CPA6: variants seen among roughly 807,000 people sequenced by gnomAD.
CPA6 encodes the protein carboxypeptidase A6, also known as carboxypeptidase B.
A neutral mutation model predicts 63.3 loss-of-function variants in CPA6; 58 were observed. The ratio of observed to expected loss-of-function variants is 0.92; its 90% CI spans 0.74 to 1.14. The LOEUF is 1.14. Ranked by LOEUF, CPA6 falls within the 50% of genes most tolerant of loss-of-function variation. The probability of loss-of-function intolerance (pLI) is 0.00; values close to 1 mark genes in which losing one functional copy is unlikely to be tolerated. For synonymous variants in CPA6, 185 were observed against 179.0 expected, an observed-to-expected ratio of 1.03 and a Z score of -0.27; for missense variants, 565 against 526.6, an observed-to-expected ratio of 1.07 and a Z score of -0.71.
At chr8:67,745,062 C>A (rs980181746) in intron 1 of CPA6, among the ~76,000 whole-genome samples, 2 of 152,166 alleles carry the variant, frequency 1.3e-5, no homozygotes, top group African/African-American at 4.8e-5. Flanking sequence ...AAAAGAACAA[C>A]TTGGTTTTAA....
At chr8:67,639,199 GTC>G (rs756437733) in intron 1 of CPA6, among the ~76,000 whole-genome samples, 3 of 151,606 alleles carry the variant, frequency 2.0e-5, no homozygotes, top group Non-Finnish European at 4.4e-5. Flanking sequence ...TGGCCATACA[GTC>G]TCTATTGCTA....
rs1001079335 is a variant in CPA6 at position 67,631,357 on chromosome 8, C to T, written c.117-7106G>A. On this transcript the variant is annotated intron_variant, in intron 1 of 10. Coordinates refer to ENST00000297770, the MANE Select transcript of CPA6 (RefSeq NM_020361.5). ...TCTAGCTAGAGGATTGTAAATGCAC[C>T]ATTCAGCACTCTGTGTCTAGCTAAA... Among the ~76,000 whole-genome samples, 8 of 152,196 alleles carry T rather than the reference C, an allele frequency of 5.3e-5. 1 individual carries two copies. The East Asian group carries it at 1.5e-3, about 29-fold the overall frequency.
chr8:67,587,213 T>A (rs180834814), intron 2 of CPA6, among the ~76,000 whole-genome samples: 18 of 152,162 alleles, frequency 1.2e-4, no homozygotes, highest in African/African-American at 3.9e-4. Context: ...CCTAAGGTAA[T>A]TGTGATGGAT....
intron 8 of CPA6, among the ~76,000 whole-genome samples, chr8:67,480,674 T>G (rs545401181): frequency 6.6e-6 from 1 of 152,266 alleles, no homozygotes; most frequent in South Asian, 2.1e-4. Context: ...TCATTTCTCT[T>G]GGGTATATAT....
intron 1 of CPA6, among the ~76,000 whole-genome samples, chr8:67,729,410 A>G (rs1781355198): frequency 6.6e-6 from 1 of 152,234 alleles, no homozygotes; most frequent in African/African-American, 2.4e-5. Flanking sequence ...AAACTGTCAT[A>G]TACTGGCAAC....
At chr8:67,696,360 T>A (rs913693053) in intron 1 of CPA6, among the ~76,000 whole-genome samples, 1 of 152,188 alleles carries the variant, frequency 6.6e-6, no homozygotes, top group Non-Finnish European at 1.5e-5. Context: ...CCATAGTACA[T>A]GCACTAGAAT....
intron 1 of CPA6, among the ~76,000 whole-genome samples, chr8:67,686,241 G>T (rs1189689106): frequency 1.3e-5 from 2 of 152,166 alleles, no homozygotes; most frequent in African/African-American, 4.8e-5. Flanking sequence ...GCTGACCTCT[G>T]TCATCAAGCA....
intron 1 of CPA6, among the ~76,000 whole-genome samples, chr8:67,677,316 C>T (rs1372721909): frequency 6.7e-6 from 1 of 148,792 alleles, no homozygotes; most frequent in African/African-American, 2.5e-5. Context: ...GAAAATTCAT[C>T]TCTTTATTCA....
intron 8 of CPA6, among the ~76,000 whole-genome samples, chr8:67,434,548 G>C (rs1035738806): frequency 6.6e-6 from 1 of 152,212 alleles, no homozygotes; most frequent in African/African-American, 2.4e-5. Flanking sequence ...TAGAACAATA[G>C]TACAGCAAGT....
At chr8:67,707,870 C>T (rs1329190626) in intron 1 of CPA6, among the ~76,000 whole-genome samples, 3 of 149,944 alleles carry the variant, frequency 2.0e-5, no homozygotes, top group Non-Finnish European at 3.0e-5. Flanking sequence ...GCTGAGATCA[C>T]ACCACTGTAC....
intron 1 of CPA6, among the ~76,000 whole-genome samples, chr8:67,741,650 G>GC (rs1817915218): frequency 6.6e-6 from 1 of 152,132 alleles, no homozygotes; most frequent in African/African-American, 2.4e-5. Context: ...AACTACCCAT[G>GC]CGAGGGATCT....
intron 1 of CPA6, among the ~76,000 whole-genome samples, chr8:67,717,214 G>A (rs1817400762): frequency 6.6e-6 from 1 of 152,184 alleles, no homozygotes; most frequent in African/African-American, 2.4e-5. Flanking sequence ...AGCACACCGA[G>A]TTTGGATGTA....
rs1336443448 is a variant in CPA6, at chr8:67,517,962, G to C, written c.278C>G (p.Ala93Gly). ...DVHIPQNGSR[A>G]LLAFLQEANI... ...GGCTTCCTGTAAGAAGGCTAACAGG[G>C]CTCGGGAACCATTTTGGGGGATATG... Residue 93 changes from alanine to glycine, a missense_variant, in exon 3 of 11, where the codon GCC becomes GGC. Ala to Gly is a moderately conservative substitution (Grantham distance 60, BLOSUM62 0). Transcript: ENST00000297770. The C allele has an allele frequency of 6.2e-6, 10 of 1,612,744 alleles. No individual in the cohort carries two copies. Among genetic ancestry groups the C allele is most frequent in the Non-Finnish European group, 8.5e-6 (10 of 1,179,632 alleles).
rs186018397 is a variant in CPA6, at chr8:67,523,176, A to G, written c.193-5129T>C. ...TCATTTATTAAATGGGACTATAAAT[A>G]GCATATTTTAAATATATTTGTTAGG... On this transcript the variant is annotated intron_variant, in intron 2 of 10. Coordinates refer to ENST00000297770, the MANE Select transcript of CPA6 (RefSeq NM_020361.5). Among the ~76,000 whole-genome samples the G allele has an allele frequency of 3.7e-3, 565 of 152,324 alleles. 1 individual carries two copies. The highest frequency in any genetic ancestry group is 6.3e-3 in the Non-Finnish European group (428 of 68,026).
At position 67,485,032 on chromosome 8, in the gene CPA6, C is replaced by T. The variant is rs561956527; in HGVS notation, c.637-243G>A. The stretch of plus-strand genomic sequence containing the variant: ...GAGATCAGTTGGGCAGCCTCTTAAT[C>T]GTAATTAAGATCTGGCTACAGTTTT... On this transcript the variant is annotated intron_variant, in intron 6 of 10. Coordinates refer to ENST00000297770, the MANE Select transcript of CPA6 (RefSeq NM_020361.5). Among the ~76,000 whole-genome samples, 21 of 152,246 alleles carry T rather than the reference C, an allele frequency of 1.4e-4. No individual in the cohort carries two copies. The South Asian group carries it at 3.1e-3, about 23-fold the overall frequency.
chr8:67,473,870 G>A (rs1457597628), intron 8 of CPA6, among the ~76,000 whole-genome samples: 2 of 152,044 alleles, frequency 1.3e-5, no homozygotes, highest in African/African-American at 4.8e-5. Context: ...GCCTCCCAAA[G>A]TGCTGGGATT....
chr8:67,598,324 A>T (rs1256482167), intron 2 of CPA6, among the ~76,000 whole-genome samples: 1 of 152,148 alleles, frequency 6.6e-6, no homozygotes, highest in Non-Finnish European at 1.5e-5. Flanking sequence ...TAAAGAAAAT[A>T]TTTATTTTTA....
chr8:67,608,895 C>T (rs1025759152), intron 2 of CPA6, among the ~76,000 whole-genome samples: 3 of 152,300 alleles, frequency 2.0e-5, no homozygotes, highest in South Asian at 2.1e-4. Flanking sequence ...CCACACTTAA[C>T]TAATTGTAGG....
In CPA6 at chr8:67,637,614, G is replaced by A. The variant is rs1051441922; in HGVS notation, c.117-13363C>T. ...GCAAGTTTCTGGTGTGAGGAAAAGG[G>A]AAAGGAGTTACAAAGCATAGGGGAA... On this transcript the variant is annotated intron_variant, in intron 1 of 10. Transcript: ENST00000297770. Among the ~76,000 whole-genome samples, 4 of 151,422 alleles carry A rather than the reference G, an allele frequency of 2.6e-5. No individual in the cohort carries two copies. The South Asian group carries it at 8.3e-4, about 31-fold the overall frequency.
Sources: gnomAD v4.1 joint callset for allele counts (sites outside exome capture counted in the v4.1 genomes callset) on GRCh38, gnomAD v4.1.1 for gene constraint, MANE v1.5 for transcripts, NCBI Gene and HGNC (gene_info 2026-07-23, HGNC 2026-07-21) for gene names.